Variants in MYO15B observed in about 807,000 individuals in gnomAD.
MYO15B encodes the protein myosin XVB.
Under a neutral mutation model 119.3 loss-of-function variants are expected in MYO15B, and 207 were observed. The observed-to-expected ratio is 1.73, with a 90% CI of 1.55 to 1.95. MYO15B has a LOEUF of 1.95. MYO15B is among the 30% of genes most tolerant of loss of function. MYO15B has a pLI of 0.00. For missense variants in MYO15B, 2,264 were observed against 1,203.1 expected (o/e 1.88, Z -13.04); for synonymous variants, 966 against 498.9 (o/e 1.94, Z -12.48).
At chr17:75,625,566 G>A in exon 61 of MYO15B, 1 of 703,082 alleles carries the variant, frequency 1.4e-6, no homozygotes, top group Non-Finnish European at 2.6e-6. Flanking sequence ...AGCTGCAACG[G>A]CAGGTGAACA....
intron 14 of MYO15B, among the ~76,000 whole-genome samples, chr17:75,597,814 G>A (rs991613589): frequency 6.6e-6 from 1 of 152,196 alleles, no homozygotes; most frequent in Non-Finnish European, 1.5e-5. Flanking sequence ...TACTTGGGAG[G>A]CTGAGGTGGA....
At chr17:75,593,709 C>G (rs1481592116) in intron 9 of MYO15B, among the ~76,000 whole-genome samples, 1 of 151,458 alleles carries the variant, frequency 6.6e-6, no homozygotes, top group African/African-American at 2.4e-5. Flanking sequence ...CACCTGAGGT[C>G]AGGAGTTCGA....
At chr17:75,619,098 G>A (rs1263878775) in intron 43 of MYO15B, 45 bp from the exon 44 acceptor site, 1 of 702,416 alleles carries the variant, frequency 1.4e-6, no homozygotes, top group South Asian at 1.5e-5. Context: ...CTGGGGGTGG[G>A]CTCTGTCTCA....
intron 23 of MYO15B, among the ~76,000 whole-genome samples, chr17:75,611,316 G>T (rs980998229): frequency 6.6e-6 from 1 of 151,936 alleles, no homozygotes; most frequent in Non-Finnish European, 1.5e-5. Flanking sequence ...ATAAAAATTA[G>T]CTGGACACAG....
exon 56 of MYO15B, chr17:75,624,207 C>T (rs749122420): frequency 1.6e-5 from 11 of 702,860 alleles, no homozygotes; most frequent in African/African-American, 1.0e-4. Flanking sequence ...GCACCTCCAG[C>T]GCACAGTCAA....
intron 15 of MYO15B, chr17:75,602,283 TA>T: frequency 1.5e-6 from 1 of 651,210 alleles, no homozygotes. Context: ...TAGCATAGGT[TA>T]AAGCCCCAGT....
At position 75,589,551 on chromosome 17, in the gene MYO15B, G is replaced by T. The variant is rs1272890683; in HGVS notation, c.1494G>T (p.Ala498=). The T allele has an allele frequency of 5.0e-6, 2 of 398,730 alleles. No homozygotes were observed. The highest frequency in any genetic ancestry group is 8.8e-6 in the Non-Finnish European group (2 of 226,164). The allele number at this position is 398,730 out of a possible 1,614,324, so 24.7% of individuals were successfully genotyped here. A position where few individuals can be genotyped will look rare whatever the true frequency, so the allele number is the denominator to read the frequency against. ...AGCCCGGGCTGCGGCACCGTCTAGCGTTGCGCCTGGCTGGCTTAGCAGGGC... is the reference window on the plus strand; with the variant it reads ...AGCCCGGGCTGCGGCACCGTCTAGCTTTGCGCCTGGCTGGCTTAGCAGGGC... Residue 498 remains alanine (A), a synonymous_variant, in exon 1 of 64, where the codon GCG becomes GCT. Coordinates refer to ENST00000645453, the Ensembl canonical transcript of MYO15B. The surrounding 1 kb of genome is among the most constrained non-coding windows in gnomAD (Gnocchi z 4.2).
intron 53 of MYO15B, 79 bp from the exon 54 acceptor site, chr17:75,623,702 A>G: frequency 1.4e-6 from 1 of 691,648 alleles, no homozygotes; most frequent in Non-Finnish European, 2.6e-6. Flanking sequence ...CCCATGGCCT[A>G]GCAGGGTTTC....
At chr17:75,616,717 A>T in exon 39 of MYO15B, 1 of 702,982 alleles carries the variant, frequency 1.4e-6, no homozygotes, top group South Asian at 1.5e-5. Flanking sequence ...CCAGCAGGGA[A>T]ATTGGCAACA....
exon 5 of MYO15B, chr17:75,591,664 G>T (rs964807506): frequency 2.8e-6 from 2 of 702,878 alleles, no homozygotes; most frequent in Non-Finnish European, 5.2e-6. Context: ...AGATCATGCA[G>T]TTCCTAAGCA....
exon 31 of MYO15B, chr17:75,614,629 C>A: frequency 1.4e-6 from 1 of 700,438 alleles, no homozygotes; most frequent in Non-Finnish European, 2.6e-6. Context: ...CCCCTCACTG[C>A]CCCCAGGACC....
At position 75,589,401 on chromosome 17, in the gene MYO15B, C is replaced by T. The variant is rs996977348; in HGVS notation, c.1344C>T (p.Asp448=). ...AGGGTCGGGGCCGCGGGAAAGCGGA[C>T]GAAGGGCGGGGCCACGAGCGAGGGT... Residue 448 remains aspartate, a synonymous_variant, in exon 1 of 64, where the codon GAC becomes GAT. Coordinates refer to ENST00000645453, the Ensembl canonical transcript of MYO15B. This position sits in a 1 kb window ranked among gnomAD's most constrained non-coding sequence, Gnocchi z 4.2. The T allele has an allele frequency of 1.7e-5, 6 of 360,928 alleles. No homozygotes were observed. The East Asian group carries it at 2.1e-4, about 13-fold the overall frequency. The allele number at this position is 360,928 out of a possible 1,614,324, so 22.4% of individuals were successfully genotyped here. A position where few individuals can be genotyped will look rare whatever the true frequency, so the allele number is the denominator to read the frequency against.
chr17:75,591,895 C>G (rs983058324), intron 5 of MYO15B, 82 bp from the exon 6 acceptor site: 3 of 678,404 alleles, frequency 4.4e-6, no homozygotes, highest in African/African-American at 3.5e-5. Context: ...ACTGACGCCT[C>G]CCTGGACCTG....
intron 4 of MYO15B, 148 bp downstream of exon 4, chr17:75,591,394 A>G (rs2056438193): frequency 1.6e-6 from 1 of 619,664 alleles, no homozygotes; most frequent in Non-Finnish European, 2.9e-6. Flanking sequence ...CCTGGCTGAA[A>G]TCATCACATG....
chr17:75,614,969 A>G (rs1014228083), exon 33 of MYO15B: 2 of 702,984 alleles, frequency 2.8e-6, no homozygotes, highest in African/African-American at 3.5e-5. Flanking sequence ...AGGATCTGGA[A>G]CAAAGCTGGG....
intron 22 of MYO15B, 44 bp downstream of exon 22, chr17:75,610,303 G>A: frequency 1.5e-6 from 1 of 652,152 alleles, no homozygotes; most frequent in Non-Finnish European, 2.8e-6. Context: ...AAGCCAGGCT[G>A]CCTGAGCTGG....
chr17:75,592,389 C>T (rs2056528780), intron 7 of MYO15B, 39 bp from the exon 8 acceptor site: 1 of 681,754 alleles, frequency 1.5e-6, no homozygotes, highest in Non-Finnish European at 2.7e-6. Context: ...CCTCTAAGCC[C>T]CTAGGGCACT....
rs1235928766 is a variant in MYO15B, at chr17:75,614,181, T to C, written c.5220-18T>C. ...CTGGATGGCCGCCTGCCTCACTGAC[T>C]GGTCCCCTCCCACCCAGAGGCCTGG... On this transcript the variant is annotated intron_variant, in intron 29 of 63. Transcript: ENST00000645453. 1.4e-6 allele frequency: 1 copy of C among 700,128 alleles called. No homozygotes were observed. The highest frequency in any genetic ancestry group is 2.0e-5 in the Admixed American group (1 of 49,916). 43.4% of individuals were successfully genotyped at this position (700,128 alleles called of 1,614,324 possible). A position where few individuals can be genotyped will look rare whatever the true frequency, so the allele number is the denominator to read the frequency against.
At chr17:75,603,536 C>T (rs1446685264) in intron 19 of MYO15B, among the ~76,000 whole-genome samples, 1 of 152,248 alleles carries the variant, frequency 6.6e-6, no homozygotes, top group Non-Finnish European at 1.5e-5. Flanking sequence ...TTCGTCATTT[C>T]TTCTCCTCTC....
Sources: allele counts gnomAD v4.1 joint callset (sites outside exome capture counted in the v4.1 genomes callset), GRCh38; gene constraint gnomAD v4.1.1; non-coding constraint Gnocchi (gnomAD v3.1); transcripts MANE v1.5; gene names NCBI Gene and HGNC (gene_info 2026-07-23, HGNC 2026-07-21).